PCDHGA1: variants seen among roughly 807,000 people sequenced by gnomAD.
The protein encoded by PCDHGA1 is protocadherin gamma subfamily A, 1, also known as protocadherin gamma-A1.
Under a neutral mutation model 58.0 loss-of-function variants are expected in PCDHGA1, and 32 were observed. That is an observed-to-expected ratio of 0.55 (90% CI 0.42 to 0.74). The LOEUF is 0.74. PCDHGA1 is among the 30% of genes least tolerant of loss of function. PCDHGA1 has a pLI of 0.00. For synonymous variants in PCDHGA1, 498 were observed against 501.1 expected (o/e 0.99, Z 0.08); for missense variants, 1,205 against 1,182.3 (o/e 1.02, Z -0.28).
intron 1 of PCDHGA1, chr5:141,433,087 A>G (rs769187557): frequency 6.2e-7 from 1 of 1,614,206 alleles, no homozygotes. Context: ...CCAACTATGC[A>G]GACATGCTCG....
chr5:141,434,667 G>T (rs1464226862), intron 1 of PCDHGA1, among the ~76,000 whole-genome samples: 3 of 152,074 alleles, frequency 2.0e-5, no homozygotes, highest in East Asian at 3.9e-4. Context: ...CTATAGAAAT[G>T]ATGCTAATGA....
In PCDHGA1 at chr5:141,344,934, G is replaced by A. The variant is rs536286068; in HGVS notation, c.2421+11829G>A. On this transcript the variant is annotated intron_variant, in intron 1 of 3. Coordinates refer to ENST00000517417, the MANE Select transcript of PCDHGA1 (RefSeq NM_018912.3). ...CCATCTTAACTCAGTGAGTGGAGAA[G>A]TATCAATATTAAAAAGTCTAGATTA... The A allele has an allele frequency of 5.0e-6, 8 of 1,613,922 alleles. No homozygotes were observed. The East Asian group carries it at 1.6e-4, about 31-fold the overall frequency.
chr5:141,347,969 A>T (rs755614604), intron 1 of PCDHGA1, among the ~76,000 whole-genome samples: 21 of 152,216 alleles, frequency 1.4e-4, no homozygotes, highest in Non-Finnish European at 7.3e-5. Context: ...TGAGAAGGAC[A>T]TCAAAAACAT....
At chr5:141,415,740 G>GTTTTTTTTTTTTTTTTT (rs57426385) in intron 1 of PCDHGA1, 21 of 625,042 alleles carry the variant, frequency 3.4e-5, no homozygotes, top group African/African-American at 7.5e-5. Flanking sequence ...GTTTATTAAG[G>GTTTTTTTTTTTTTTTTT]TTTTTTTTTT....
chr5:141,374,456 G>A, intron 1 of PCDHGA1: 2 of 1,613,432 alleles, frequency 1.2e-6, no homozygotes, highest in Non-Finnish European at 1.7e-6. Context: ...GGAAATAGTG[G>A]ACATTAATGA....
intron 1 of PCDHGA1, chr5:141,351,757 C>T (rs1758808833): frequency 2.5e-6 from 4 of 1,613,638 alleles, no homozygotes; most frequent in East Asian, 2.2e-5. Context: ...AGCTGTTGTC[C>T]TACGTGTCCG....
At chr5:141,443,383 G>A (rs1302172660) in intron 1 of PCDHGA1, among the ~76,000 whole-genome samples, 1 of 152,130 alleles carries the variant, frequency 6.6e-6, no homozygotes, top group Non-Finnish European at 1.5e-5. Flanking sequence ...TACTTGGGAG[G>A]CTGAGGTGTG....
intron 1 of PCDHGA1, chr5:141,378,592 C>T (rs1309988973): frequency 6.6e-6 from 1 of 152,104 alleles, no homozygotes; most frequent in Non-Finnish European, 1.5e-5. Flanking sequence ...GTAGTGTCTG[C>T]TTACAGGACA....
chr5:141,433,056 G>C, intron 1 of PCDHGA1: 10 of 1,614,204 alleles, frequency 6.2e-6, no homozygotes, highest in Non-Finnish European at 8.5e-6. Context: ...TCGCGGAAGA[G>C]TCACCTGATC....
chr5:141,403,263 T>A, intron 1 of PCDHGA1: 1 of 1,613,872 alleles, frequency 6.2e-7, no homozygotes, highest in East Asian at 2.2e-5. Flanking sequence ...CGGTGTCTGG[T>A]GAACTTTAAA....
intron 1 of PCDHGA1, chr5:141,361,414 G>C (rs767003818): frequency 1.2e-6 from 2 of 1,613,876 alleles, no homozygotes; most frequent in East Asian, 2.2e-5. Context: ...AGCCACCGAC[G>C]GGGGCAAGCC....
At position 141,493,157 on chromosome 5, in the gene PCDHGA1, T is replaced by C. The variant is rs1261889479; in HGVS notation, c.2422-1650T>C. ...TTGAAACACCCCCAGGTGATTTTGATAGCTGATTGAGAGAAACTTACTATA... is the reference window on the plus strand; with the variant it reads ...TTGAAACACCCCCAGGTGATTTTGACAGCTGATTGAGAGAAACTTACTATA... On this transcript the variant is annotated intron_variant, in intron 1 of 3. Coordinates refer to ENST00000517417, the MANE Select transcript of PCDHGA1 (RefSeq NM_018912.3). This position sits in a 1 kb window ranked among gnomAD's most constrained non-coding sequence, Gnocchi z 4.3. 2.0e-5 allele frequency among the ~76,000 whole-genome samples: 3 copies of C among 152,224 alleles called. No individual in the cohort carries two copies. Among genetic ancestry groups the C allele is most frequent in the Admixed American group, 6.5e-5 (1 of 15,286 alleles).
In PCDHGA1 at chr5:141,485,111, G is replaced by C. The variant is rs2099607127; in HGVS notation, c.2422-9696G>C. On this transcript the variant is annotated intron_variant, in intron 1 of 3. Coordinates refer to ENST00000517417, the MANE Select transcript of PCDHGA1 (RefSeq NM_018912.3). The surrounding 1 kb of genome is among the most constrained non-coding windows in gnomAD (Gnocchi z 5.7). The stretch of plus-strand genomic sequence containing the variant: ...ATAGGTGTCTCCAGCTGCTGTGGCT[G>C]TTTGGGGCGGGTCGGCTTCATCCGC... 5.4e-6 allele frequency: 7 copies of C among 1,287,562 alleles called. No individual in the cohort carries two copies. The highest frequency in any genetic ancestry group is 7.8e-6 in the Non-Finnish European group (7 of 899,436). 79.8% of individuals were successfully genotyped at this position (1,287,562 alleles called of 1,614,324 possible). A position where few individuals can be genotyped will look rare whatever the true frequency, so the allele number is the denominator to read the frequency against.
intron 3 of PCDHGA1, 149 bp downstream of exon 3, chr5:141,505,630 A>T: frequency 6.8e-7 from 1 of 1,480,262 alleles, no homozygotes; most frequent in East Asian, 2.4e-5. Flanking sequence ...AATTCCAAAC[A>T]TAAAGCCTGG....
intron 1 of PCDHGA1, chr5:141,409,110 A>T: frequency 6.2e-7 from 1 of 1,614,060 alleles, no homozygotes; most frequent in Non-Finnish European, 8.5e-7. Context: ...ATGATTAAGA[A>T]TAACCAGTCA....
intron 1 of PCDHGA1, chr5:141,385,782 T>G (rs1169105462): frequency 6.2e-6 from 1 of 160,564 alleles, no homozygotes; most frequent in Non-Finnish European, 1.3e-5. Context: ...TCCATGTACC[T>G]CAGCTTGGTG....
In PCDHGA1 at chr5:141,356,738, T is replaced by C; in HGVS notation, c.2421+23633T>C. On this transcript the variant is annotated intron_variant, in intron 1 of 3. Transcript: ENST00000517417. ...GTCTCCATCAACTCCAATACAGGGA[T>C]CCTATATGCTCTTTGCTCCTTCGAC... 1 of 1,613,924 alleles carries C rather than the reference T, an allele frequency of 6.2e-7. No individual in the cohort carries two copies. Among genetic ancestry groups the C allele is most frequent in the Non-Finnish European group, 8.5e-7 (1 of 1,179,848 alleles).
In PCDHGA1 at chr5:141,486,194, C is replaced by A. The variant is rs1248456800; in HGVS notation, c.2422-8613C>A. The A allele has an allele frequency of 6.2e-7, 1 of 1,614,196 alleles. No individual in the cohort carries two copies. Among genetic ancestry groups the A allele is most frequent in the Non-Finnish European group, 8.5e-7 (1 of 1,180,026 alleles). ...ACATTGCAGCCTTCGAGTGGATCTG[C>A]TGGACGTAAATGACAATGCCCCTTA... On this transcript the variant is annotated intron_variant, in intron 1 of 3. Transcript: ENST00000517417. The surrounding 1 kb of genome is among the most constrained non-coding windows in gnomAD (Gnocchi z 5.0).
intron 1 of PCDHGA1, chr5:141,417,728 T>A: frequency 7.3e-7 from 1 of 1,373,610 alleles, no homozygotes; most frequent in Non-Finnish European, 9.6e-7. Flanking sequence ...GCGCAGACCT[T>A]GCCCAGCACA....
Sources: allele counts gnomAD v4.1 joint callset (sites outside exome capture counted in the v4.1 genomes callset), GRCh38; gene constraint gnomAD v4.1.1; non-coding constraint Gnocchi (gnomAD v3.1); transcripts MANE v1.5; gene names NCBI Gene and HGNC (gene_info 2026-07-23, HGNC 2026-07-21).